The following RGL1 variants were observed in gnomAD, a reference collection of about 807,000 sequenced individuals.
The protein encoded by RGL1 is ral guanine nucleotide dissociation stimulator-like 1.
Under a neutral mutation model 95.2 loss-of-function variants are expected in RGL1, and 24 were observed. The observed-to-expected ratio is 0.25, with a 90% CI of 0.18 to 0.35. RGL1 has a LOEUF of 0.35. RGL1 is among the 10% of genes least tolerant of loss of function. RGL1 has a pLI of 1.00. For synonymous variants in RGL1, 329 were observed against 344.9 expected (o/e 0.95, Z 0.51); for missense variants, 715 against 936.3 (o/e 0.76, Z 3.08).
chr1:183,878,155 TCTA>T (rs1224682035), intron 4 of RGL1, among the ~76,000 whole-genome samples: 1 of 108,776 alleles, frequency 9.2e-6, no homozygotes, highest in Non-Finnish European at 2.1e-5. Flanking sequence ...TTTCTTTCTA[TCTA>T]TCTATCTATC....
At position 183,690,217 on chromosome 1, in the gene RGL1, T is replaced by G. The variant is rs189151909; in HGVS notation, c.-32-51909T>G. 2.8e-3 allele frequency among the ~76,000 whole-genome samples: 430 copies of G among 152,316 alleles called. 2 individuals are homozygous for G. Among genetic ancestry groups the G allele is most frequent in the African/African-American group, 9.7e-3 (405 of 41,572 alleles). On this transcript the variant is annotated intron_variant, in intron 1 of 18. Coordinates refer to the RGL1 transcript ENST00000304685. Reference sequence around the variant, plus strand: ...ACTCTGGGAGACCACAGACACTTTCTACACCTATGGATGGATTTTAGAGAT... The same window carrying G: ...ACTCTGGGAGACCACAGACACTTTCGACACCTATGGATGGATTTTAGAGAT...
At chr1:183,764,841 C>A (rs1658883272) in intron 2 of RGL1, among the ~76,000 whole-genome samples, 2 of 152,184 alleles carry the variant, frequency 1.3e-5, no homozygotes, top group African/African-American at 4.8e-5. Flanking sequence ...GCAGGACTAA[C>A]CTACCTGAAA....
chr1:183,661,964 T>C (rs1484571578), intron 1 of RGL1, among the ~76,000 whole-genome samples: 3 of 150,128 alleles, frequency 2.0e-5, no homozygotes, highest in African/African-American at 7.5e-5. Flanking sequence ...AAAAACCACA[T>C]GATTATCTCA....
chr1:183,728,474 C>T (rs1656436499), intron 1 of RGL1, among the ~76,000 whole-genome samples: 1 of 152,038 alleles, frequency 6.6e-6, no homozygotes, highest in African/African-American at 2.4e-5. Flanking sequence ...TGTTAAAACC[C>T]CTACCCTGAA....
At chr1:183,742,207 A>G in exon 2 of RGL1, 1 of 1,614,102 alleles carries the variant, frequency 6.2e-7, no homozygotes, top group Non-Finnish European at 8.5e-7. Flanking sequence ...TCTAAATTCA[A>G]ACTTTCCACC....
At chr1:183,650,336 G>A (rs531041442) in intron 1 of RGL1, among the ~76,000 whole-genome samples, 2 of 152,264 alleles carry the variant, frequency 1.3e-5, no homozygotes, top group East Asian at 3.9e-4. Flanking sequence ...GAGGTCAGGA[G>A]ATGGAGACAA....
rs186532605 is a variant in RGL1 at position 183,827,760 on chromosome 1, G to A, written c.139-19806G>A. Among the ~76,000 whole-genome samples, 328 of 152,184 alleles carry A rather than the reference G, an allele frequency of 2.2e-3. 2 individuals are homozygous for A. The highest frequency in any genetic ancestry group is 7.5e-3 in the African/African-American group (312 of 41,510). On this transcript the variant is annotated intron_variant, in intron 2 of 17. Coordinates refer to ENST00000360851, the MANE Select transcript of RGL1 (RefSeq NM_001297671.3). ...TACGTTGGATACAATAGCTGTGTAC[G>A]CTATTTCCCTGGCTCAATATAATAT...
chr1:183,681,536 T>A (rs982189205), intron 1 of RGL1, among the ~76,000 whole-genome samples: 4 of 152,220 alleles, frequency 2.6e-5, no homozygotes, highest in Admixed American at 6.5e-5. Context: ...GACTTGATCA[T>A]GGTGGATAAG....
chr1:183,678,603 G>T (rs1230035809), intron 1 of RGL1, among the ~76,000 whole-genome samples: 2 of 131,098 alleles, frequency 1.5e-5, no homozygotes, highest in East Asian at 2.0e-4. Context: ...TTGACACCAA[G>T]ATTTTTTTTT....
chr1:183,894,467 G>A (rs1281856947), intron 9 of RGL1, among the ~76,000 whole-genome samples: 2 of 152,148 alleles, frequency 1.3e-5, no homozygotes, highest in African/African-American at 2.4e-5. Context: ...AATGCTTTGG[G>A]CAGTCCATGT....
intron 2 of RGL1, among the ~76,000 whole-genome samples, chr1:183,824,411 C>T (rs961514408): frequency 6.6e-6 from 1 of 152,236 alleles, no homozygotes; most frequent in African/African-American, 2.4e-5. Flanking sequence ...GCTTTAGTTT[C>T]CTCTTCACCA....
chr1:183,780,900 C>G (rs2102354463), intron 2 of RGL1, among the ~76,000 whole-genome samples: 1 of 152,362 alleles, frequency 6.6e-6, no homozygotes, highest in East Asian at 1.9e-4. Context: ...TCATGCTGTT[C>G]CGTGGCAATG....
At chr1:183,907,241 T>C in intron 14 of RGL1, 140 bp downstream of exon 14, 1 of 627,012 alleles carries the variant, frequency 1.6e-6, no homozygotes, top group South Asian at 1.8e-5. Flanking sequence ...TATCCTTCTG[T>C]CATGAACTCA....
chr1:183,878,150 TTCTATCTATCTATCTATCTATCTATCTA>T (rs751622115), intron 4 of RGL1, among the ~76,000 whole-genome samples: 1 of 111,552 alleles, frequency 9.0e-6, no homozygotes, highest in African/African-American at 3.5e-5. Context: ...TTGATTTTCT[TTCTATCTATCTATCTATCTATCTATCTA>T]TCTATCTATC....
At chr1:183,842,332 CT>C (rs5779189) in intron 2 of RGL1, among the ~76,000 whole-genome samples, 92,967 of 146,364 alleles carry the variant, frequency 0.64, 29,264 homozygotes, top group African/African-American at 0.69. Flanking sequence ...ATTGAAGGGA[CT>C]TTTTTTTTTT....
chr1:183,793,265 C>G (rs1435866669), intron 2 of RGL1, among the ~76,000 whole-genome samples: 1 of 152,150 alleles, frequency 6.6e-6, no homozygotes, highest in African/African-American at 2.4e-5. Context: ...CCCCATCTCT[C>G]ACCGTGTATA....
chr1:183,684,077 T>TC (rs1653400727), intron 1 of RGL1, among the ~76,000 whole-genome samples: 2 of 152,200 alleles, frequency 1.3e-5, no homozygotes, highest in African/African-American at 4.8e-5. Flanking sequence ...TAACCTTTTT[T>TC]CAAGGTTCTT....
intron 1 of RGL1, among the ~76,000 whole-genome samples, chr1:183,652,540 A>T (rs915713971): frequency 1.3e-5 from 2 of 152,212 alleles, no homozygotes; most frequent in Non-Finnish European, 2.9e-5. Flanking sequence ...GGTTTATTGT[A>T]TCAATTTGTT....
At chr1:183,681,513 C>T (rs760897111) in intron 1 of RGL1, among the ~76,000 whole-genome samples, 2 of 152,212 alleles carry the variant, frequency 1.3e-5, no homozygotes, top group African/African-American at 2.4e-5. Flanking sequence ...CCTTGCATCC[C>T]AGGGATGAAG....
Sources: gnomAD v4.1 joint callset for allele counts (sites outside exome capture counted in the v4.1 genomes callset) on GRCh38, gnomAD v4.1.1 for gene constraint, MANE v1.5 for transcripts, NCBI Gene and HGNC (gene_info 2026-07-23, HGNC 2026-07-21) for gene names.